Variants in ZNF704 observed in about 807,000 individuals in gnomAD.
The protein encoded by ZNF704 is glucocorticoid induced gene 1.
In ZNF704, 10 loss-of-function variants were observed where a neutral mutation model predicts 44.7. The observed-to-expected ratio is 0.22, with a 90% confidence interval of 0.14 to 0.38. The LOEUF is 0.38. ZNF704 is among the 10% of genes least tolerant of loss of function. The pLI, the probability that ZNF704 is intolerant of heterozygous loss-of-function variation, is 1.00. For synonymous variants in ZNF704, 211 were observed against 207.6 expected, an observed-to-expected ratio of 1.02 and a Z score of -0.14; for missense variants, 390 against 545.5, an observed-to-expected ratio of 0.71 and a Z score of 2.84.
intron 1 of ZNF704, among the ~76,000 whole-genome samples, chr8:80,843,988 T>TAC (rs1002765631): frequency 2.7e-5 from 4 of 147,686 alleles, no homozygotes; most frequent in African/African-American, 7.5e-5. Flanking sequence ...TATATATATA[T>TAC]ATACACATAC....
intron 2 of ZNF704, among the ~76,000 whole-genome samples, chr8:80,786,360 C>G (rs1345578220): frequency 6.6e-6 from 1 of 152,146 alleles, no homozygotes; most frequent in Non-Finnish European, 1.5e-5. Context: ...CTAAAGAGAT[C>G]CAGCTTCTGT....
intron 2 of ZNF704, among the ~76,000 whole-genome samples, chr8:80,819,003 T>C (rs758683578): frequency 7.9e-5 from 12 of 152,108 alleles, no homozygotes; most frequent in Non-Finnish European, 1.5e-4. Flanking sequence ...AAGCAACTTA[T>C]CTCACCAACT....
chr8:80,732,228 T>C (rs1273247908), intron 2 of ZNF704, among the ~76,000 whole-genome samples: 1 of 152,208 alleles, frequency 6.6e-6, no homozygotes, highest in Non-Finnish European at 1.5e-5. Flanking sequence ...TTTCGGGATT[T>C]TGTCTCTTGG....
At chr8:80,653,766 C>G (rs1248671028) in intron 7 of ZNF704, among the ~76,000 whole-genome samples, 2 of 152,150 alleles carry the variant, frequency 1.3e-5, no homozygotes, top group Non-Finnish European at 2.9e-5. Flanking sequence ...CCATACTGCC[C>G]AAGGTAATTC....
At chr8:80,814,308 T>C (rs528626098) in intron 2 of ZNF704, 12 of 152,370 alleles carry the variant, frequency 7.9e-5, no homozygotes, top group East Asian at 5.8e-4. Context: ...CTCAGCAAGA[T>C]GGGGCTTGAC....
chr8:80,673,228 G>A (rs1009405252), intron 4 of ZNF704: 14 of 152,196 alleles, frequency 9.2e-5, no homozygotes, highest in African/African-American at 3.4e-4. Flanking sequence ...CCCCCATGCA[G>A]GTTCACCGAC....
At chr8:80,781,088 T>C (rs888145874) in intron 2 of ZNF704, among the ~76,000 whole-genome samples, 5 of 152,200 alleles carry the variant, frequency 3.3e-5, no homozygotes, top group Admixed American at 1.3e-4. Flanking sequence ...CCCATATCCT[T>C]AGCTCATGAT....
chr8:80,655,275 T>G (rs1403493051), intron 7 of ZNF704, among the ~76,000 whole-genome samples: 2 of 151,910 alleles, frequency 1.3e-5, no homozygotes, highest in Non-Finnish European at 2.9e-5. Flanking sequence ...ACATGGCACA[T>G]GTATACATAT....
chr8:80,797,966 T>C (rs946324024), intron 2 of ZNF704, among the ~76,000 whole-genome samples: 1 of 152,214 alleles, frequency 6.6e-6, no homozygotes, highest in Non-Finnish European at 1.5e-5. Flanking sequence ...ATGTAAGTGG[T>C]TAAAGGTAGC....
intron 2 of ZNF704, among the ~76,000 whole-genome samples, chr8:80,694,559 GCTGT>G (rs1455222743): frequency 2.0e-5 from 3 of 152,186 alleles, no homozygotes; most frequent in Non-Finnish European, 4.4e-5. Flanking sequence ...TCACAGGTGT[GCTGT>G]CTAATTTGTA....
intron 2 of ZNF704, among the ~76,000 whole-genome samples, chr8:80,730,758 T>C (rs192346401): frequency 4.5e-4 from 69 of 152,292 alleles, no homozygotes; most frequent in African/African-American, 1.5e-3. Context: ...TTAGTAAAGC[T>C]GGTGGTTTAT....
rs1377310871 is a variant in ZNF704 at position 80,638,666 on chromosome 8, T to C, written c.*2700A>G. On this transcript the variant is annotated 3_prime_UTR_variant, in exon 9 of 9. Transcript: ENST00000327835. ...AGCTTTCTGGGTGGCCTGTAAGGAG[T>C]ATAATCCCTTTTCTTCAAGACCAGC... 1 of 152,100 alleles carries C rather than the reference T, an allele frequency of 6.6e-6. No homozygotes were observed. Among genetic ancestry groups the C allele is most frequent in the Non-Finnish European group, 1.5e-5 (1 of 68,018 alleles). 9.4% of individuals were successfully genotyped at this position (152,100 alleles called of 1,614,324 possible).
chr8:80,839,999 C>T (rs1219255616), intron 1 of ZNF704, among the ~76,000 whole-genome samples: 1 of 152,194 alleles, frequency 6.6e-6, no homozygotes, highest in East Asian at 1.9e-4. Flanking sequence ...TATTTAGAGG[C>T]AGAGAGCAAG....
chr8:80,683,261 G>C (rs1220084875), intron 4 of ZNF704, among the ~76,000 whole-genome samples: 1 of 152,208 alleles, frequency 6.6e-6, no homozygotes, highest in African/African-American at 2.4e-5. Flanking sequence ...GCTTGACAAA[G>C]TTGGCTGGCT....
At chr8:80,784,912 G>A (rs76982774) in intron 2 of ZNF704, among the ~76,000 whole-genome samples, 2,592 of 152,180 alleles carry the variant, frequency 0.017, 80 homozygotes, top group Admixed American at 0.081. Flanking sequence ...AAACTGAGAC[G>A]ATAGTGTGGA....
chr8:80,696,683 G>A (rs1818730833), intron 2 of ZNF704, among the ~76,000 whole-genome samples: 1 of 152,316 alleles, frequency 6.6e-6, no homozygotes, highest in African/African-American at 2.4e-5. Flanking sequence ...CTCCTGAAGT[G>A]CTGGGATTAC....
chr8:80,880,940 G>C, the ZNF704 span, among the ~76,000 whole-genome samples: 1 of 152,202 alleles, frequency 6.6e-6, no homozygotes, highest in African/African-American at 2.4e-5. Flanking sequence ...AAATTCTAAA[G>C]CTTTGATACT....
At position 80,687,374 on chromosome 8, in the gene ZNF704, C is replaced by T; in HGVS notation, c.410G>A (p.Ser137Asn). ...SSGYWSWSAP[S>N]DQSNPSTPSP... ...CGGCGTGGACGGGTTGGACTGGTCG[C>T]TGGGGGCGCTCCAGCTCCAGTAGCC... Residue 137 changes from serine to asparagine, a missense_variant, in exon 4 of 9, where the codon AGC becomes AAC. Physicochemically the swap from Ser to Asn is conservative, Grantham distance 46. Coordinates refer to ENST00000327835, the MANE Select transcript of ZNF704 (RefSeq NM_001033723.3). The T allele has an allele frequency of 6.2e-7, 1 of 1,606,438 alleles. No homozygotes were observed. The highest frequency in any genetic ancestry group is 8.5e-7 in the Non-Finnish European group (1 of 1,178,826).
intron 2 of ZNF704, among the ~76,000 whole-genome samples, chr8:80,694,593 G>C (rs1318738788): frequency 6.6e-6 from 1 of 152,194 alleles, no homozygotes; most frequent in Non-Finnish European, 1.5e-5. Context: ...AACTCTTAGA[G>C]ATAGAAACTT....
Sources: allele counts gnomAD v4.1 joint callset (sites outside exome capture counted in the v4.1 genomes callset), GRCh38; gene constraint gnomAD v4.1.1; transcripts MANE v1.5; gene names NCBI Gene and HGNC (gene_info 2026-07-23, HGNC 2026-07-21).